SH3KBP1: variants seen among roughly 807,000 people sequenced by gnomAD.
The protein encoded by SH3KBP1 is SH3 domain-containing kinase-binding protein 1.
A neutral mutation model predicts 50.1 loss-of-function variants in SH3KBP1; 8 were observed. The observed-to-expected ratio is 0.16, with a 90% CI of 0.09 to 0.29. The LOEUF is 0.29. Ranked by LOEUF, SH3KBP1 falls within the 10% of genes least tolerant of loss-of-function variation. SH3KBP1 has a pLI of 1.00. For missense variants in SH3KBP1, 377 were observed against 535.2 expected, an observed-to-expected ratio of 0.70 and a Z score of 2.92; for synonymous variants, 227 against 218.6, an observed-to-expected ratio of 1.04 and a Z score of -0.34.
intron 13 of SH3KBP1, among the ~76,000 whole-genome samples, chrX:19,556,748 T>C (rs2065502773): frequency 1.8e-5 from 2 of 111,232 alleles, no homozygotes; most frequent in African/African-American, 6.5e-5. Context: ...TCATAGCTCA[T>C]GGTATTATAG....
At chrX:19,738,694 C>CAAAAAAAA (rs1193680181) in intron 3 of SH3KBP1, among the ~76,000 whole-genome samples, 5 of 37,158 alleles carry the variant, frequency 1.3e-4, no homozygotes, top group South Asian at 1.9e-3. Flanking sequence ...GTCAGCAATG[C>CAAAAAAAA]AAAAAAAAAA....
At chrX:19,828,793 A>T (rs760245703) in intron 2 of SH3KBP1, among the ~76,000 whole-genome samples, 3 of 111,619 alleles carry the variant, frequency 2.7e-5, no homozygotes, top group Non-Finnish European at 3.8e-5. Flanking sequence ...AAAAAATAAA[A>T]AAATAAATTA....
chrX:19,655,404 A>G (rs759787654), intron 6 of SH3KBP1, among the ~76,000 whole-genome samples: 94 of 111,931 alleles, frequency 8.4e-4, no homozygotes, highest in Non-Finnish European at 1.0e-3. Flanking sequence ...TAGCAAAGTC[A>G]TGGAATCAAC....
chrX:19,616,487 A>T (rs1322519582), intron 8 of SH3KBP1, among the ~76,000 whole-genome samples: 1 of 112,393 alleles, frequency 8.9e-6, no homozygotes, highest in Non-Finnish European at 1.9e-5. Context: ...TAACTGAAGC[A>T]GGTATCAATG....
chrX:19,577,089 A>G (rs1369019960), intron 12 of SH3KBP1, among the ~76,000 whole-genome samples: 2 of 112,300 alleles, frequency 1.8e-5, no homozygotes, highest in African/African-American at 6.5e-5. Context: ...CTTCATAGGT[A>G]TTGAACTCTA....
At chrX:19,605,716 C>G (rs1389834950) in intron 9 of SH3KBP1, among the ~76,000 whole-genome samples, 2 of 111,796 alleles carry the variant, frequency 1.8e-5, no homozygotes, top group African/African-American at 6.5e-5. Flanking sequence ...CCCATGTGCA[C>G]GCTTCACTTT....
chrX:19,770,139 G>T (rs780713260), intron 2 of SH3KBP1, among the ~76,000 whole-genome samples: 1 of 111,610 alleles, frequency 9.0e-6, no homozygotes, highest in African/African-American at 3.3e-5. Flanking sequence ...AGATTATTTC[G>T]TCATCCAGGT....
In SH3KBP1 at chrX:19,778,430, C is replaced by CAA. The variant is rs374544534; in HGVS notation, c.163-31991_163-31990dup. Among the ~76,000 whole-genome samples, 242 of 46,479 alleles carry CAA rather than the reference C, an allele frequency of 5.2e-3. 1 individual carries two copies. Among genetic ancestry groups the CAA allele is most frequent in the African/African-American group, 0.015 (196 of 13,128 alleles). The allele number at this position is 46,479 out of a possible 115,157, so 40.4% of individuals were successfully genotyped here. A position where few individuals can be genotyped will look rare whatever the true frequency, so the allele number is the denominator to read the frequency against. On this transcript the variant is annotated intron_variant, in intron 2 of 17. Coordinates refer to ENST00000397821, the MANE Select transcript of SH3KBP1 (RefSeq NM_031892.3). The stretch of plus-strand genomic sequence containing the variant: ...TGGGAGACAGAGCAAGACTCCATCT[C>CAA]AAAAAAAAAAAAAAAAAGAAAAGAA...
chrX:19,843,861 C>T (rs183400490), intron 1 of SH3KBP1, among the ~76,000 whole-genome samples: 215 of 111,701 alleles, frequency 1.9e-3, no homozygotes, highest in Non-Finnish European at 2.6e-3. Context: ...CATTGCCTGC[C>T]TCAGACACCA....
In SH3KBP1 at chrX:19,586,798, C is replaced by T. The variant is rs553540988; in HGVS notation, c.1298+1845G>A. On this transcript the variant is annotated intron_variant, in intron 12 of 17. Coordinates refer to ENST00000397821, the MANE Select transcript of SH3KBP1 (RefSeq NM_031892.3). ...TCGACTGGGCAGCCAGCCCACGTTG[C>T]GACTTGCCTCTACATTTGAGCCTGG... Among the ~76,000 whole-genome samples, 39 of 112,028 alleles carry T rather than the reference C, an allele frequency of 3.5e-4. No individual in the cohort carries two copies. The South Asian group carries it at 0.013, about 37-fold the overall frequency.
chrX:19,568,072 CAGA>C (rs931529333), intron 13 of SH3KBP1, among the ~76,000 whole-genome samples: 4 of 110,057 alleles, frequency 3.6e-5, no homozygotes, highest in African/African-American at 9.9e-5. Context: ...CGGTAGAGAG[CAGA>C]AGGATGATTA....
intron 3 of SH3KBP1, among the ~76,000 whole-genome samples, chrX:19,722,572 GT>G (rs2064094889): frequency 4.5e-5 from 1 of 22,160 alleles, no homozygotes; most frequent in Non-Finnish European, 8.6e-5. Context: ...GCGCACTGGT[GT>G]GTGTGTGTGT....
At chrX:19,724,590 G>T (rs1171969217) in intron 3 of SH3KBP1, among the ~76,000 whole-genome samples, 4 of 112,260 alleles carry the variant, frequency 3.6e-5, no homozygotes, top group Non-Finnish European at 5.6e-5. Context: ...AACAACCATA[G>T]ACCACACATA....
chrX:19,667,603 T>C (rs752837849), intron 6 of SH3KBP1, among the ~76,000 whole-genome samples: 1 of 111,459 alleles, frequency 9.0e-6, no homozygotes, highest in South Asian at 3.7e-4. Context: ...CACTCCAGCC[T>C]GGGTGACAGA....
At chrX:19,712,803 C>T (rs2063809927) in intron 3 of SH3KBP1, among the ~76,000 whole-genome samples, 1 of 111,623 alleles carries the variant, frequency 9.0e-6, no homozygotes, top group Non-Finnish European at 1.9e-5. Context: ...CTGAGAAGGA[C>T]CTATAGAATA....
intron 11 of SH3KBP1, among the ~76,000 whole-genome samples, chrX:19,591,477 C>G (rs1660976234): frequency 9.0e-6 from 1 of 111,212 alleles, no homozygotes; most frequent in South Asian, 3.8e-4. Context: ...CAATGACACT[C>G]CTGACCACCT....
chrX:19,865,973 A>G (rs1391044986), intron 1 of SH3KBP1, among the ~76,000 whole-genome samples: 1 of 112,281 alleles, frequency 8.9e-6, no homozygotes, highest in Non-Finnish European at 1.9e-5. Context: ...TTTCTAAGCA[A>G]TTACTCCCTA....
At chrX:19,811,156 T>C (rs2067195009) in intron 2 of SH3KBP1, among the ~76,000 whole-genome samples, 1 of 111,338 alleles carries the variant, frequency 9.0e-6, no homozygotes, top group Non-Finnish European at 1.9e-5. Context: ...ACTCACGATT[T>C]TGCAGCTTAC....
At chrX:19,681,456 T>C (rs1241123493) in intron 6 of SH3KBP1, among the ~76,000 whole-genome samples, 1 of 112,969 alleles carries the variant, frequency 8.9e-6, no homozygotes, top group East Asian at 2.7e-4. Context: ...GCACCTACAA[T>C]GTGCCATGCA....
Sources: gnomAD v4.1 joint callset for allele counts (sites outside exome capture counted in the v4.1 genomes callset) on GRCh38, gnomAD v4.1.1 for gene constraint, MANE v1.5 for transcripts, NCBI Gene and HGNC (gene_info 2026-07-23, HGNC 2026-07-21) for gene names.